NOP58: variants seen among roughly 807,000 people sequenced by gnomAD.
The protein encoded by NOP58 is nucleolar protein 58.
In NOP58, 44 loss-of-function variants were observed where a neutral mutation model predicts 71.2. That is an observed-to-expected ratio of 0.62 (90% CI 0.49 to 0.79). NOP58 has a LOEUF of 0.79. NOP58 is among the 30% of genes least tolerant of loss of function. The pLI is 0.00. For synonymous variants in NOP58, 228 were observed against 200.3 expected (o/e 1.14, Z -1.17); for missense variants, 538 against 620.2 (o/e 0.87, Z 1.41).
At chr2:202,302,895 T>G in intron 13 of NOP58, 26 bp from the exon 14 acceptor site, 1 of 1,587,818 alleles carries the variant, frequency 6.3e-7, no homozygotes, top group Non-Finnish European at 8.5e-7. Context: ...GTTAATTTGT[T>G]GTGCCTTTAC....
chr2:202,302,879 TAC>T (rs1203307619), intron 13 of NOP58, 40 bp from the exon 14 acceptor site: 2 of 1,577,416 alleles, frequency 1.3e-6, no homozygotes, highest in African/African-American at 1.4e-5. Flanking sequence ...TGAGATCTGA[TAC>T]AGTGTTAATT....
intron 9 of NOP58, 64 bp downstream of exon 9, chr2:202,292,967 T>A (rs1688928958): frequency 6.3e-7 from 1 of 1,578,380 alleles, no homozygotes; most frequent in Admixed American, 1.7e-5. Context: ...AGGATTTTGT[T>A]TACATCTTTA....
At chr2:202,286,378 G>T (rs532719270) in intron 5 of NOP58, among the ~76,000 whole-genome samples, 8 of 149,948 alleles carry the variant, frequency 5.3e-5, no homozygotes, top group East Asian at 2.0e-4. Context: ...GGTGGCGGGC[G>T]CCTGTAGTCC....
At chr2:202,274,348 T>C (rs1254987737) in intron 1 of NOP58, among the ~76,000 whole-genome samples, 1 of 151,132 alleles carries the variant, frequency 6.6e-6, no homozygotes, top group East Asian at 2.0e-4. Flanking sequence ...TGCCTCAGCC[T>C]CCCGAGTGGC....
chr2:202,279,015 A>G (rs974036780), intron 3 of NOP58, among the ~76,000 whole-genome samples: 1 of 152,212 alleles, frequency 6.6e-6, no homozygotes, highest in East Asian at 1.9e-4. Context: ...CAGCCATAAA[A>G]AAAACTGTGG....
chr2:202,280,274 G>A (rs1241356703), intron 3 of NOP58, among the ~76,000 whole-genome samples: 1 of 152,044 alleles, frequency 6.6e-6, no homozygotes, highest in African/African-American at 2.4e-5. Context: ...GCTAAGATGG[G>A]CAGGAATTTA....
chr2:202,266,631 A>G (rs2105833276), intron 1 of NOP58, among the ~76,000 whole-genome samples: 1 of 152,322 alleles, frequency 6.6e-6, no homozygotes, highest in East Asian at 1.9e-4. Context: ...AAAGGATTTA[A>G]GCAGAGGAAT....
intron 1 of NOP58, among the ~76,000 whole-genome samples, chr2:202,274,614 C>A (rs555584438): frequency 6.6e-6 from 1 of 151,806 alleles, no homozygotes; most frequent in East Asian, 1.9e-4. Flanking sequence ...GAAAGGTTCT[C>A]GGCCAGGTGC....
rs1688977025 is a variant in NOP58, at chr2:202,295,692, C to T, written c.926C>T (p.Ala309Val). 1.3e-6 allele frequency: 2 copies of T among 1,576,008 alleles called. No individual in the cohort carries two copies. Among genetic ancestry groups the T allele is most frequent in the Admixed American group, 2.0e-5 (1 of 50,414 alleles). The part of the protein sequence containing the change: ...IAHAGSLLNL[A>V]KHAASTVQIL... Reference sequence around the variant, plus strand: ...TTTGTAGGTTCTCTTTTAAATTTGGCCAAGCATGCAGCTTCTACCGTTCAG... The same window carrying T: ...TTTGTAGGTTCTCTTTTAAATTTGGTCAAGCATGCAGCTTCTACCGTTCAG... Residue 309 changes from alanine (A) to valine (V), a missense_variant, in exon 10 of 15, where the codon GCC (alanine) becomes GTC (valine). By Grantham distance (64) the Ala-to-Val change is moderately conservative (BLOSUM62 0). Transcript: ENST00000264279.
In NOP58 at chr2:202,265,841, CCGCCGCGGCCTAGGAG is replaced by C. The variant is rs1489653082; in HGVS notation, c.-100_-85del. On this transcript the variant is annotated 5_prime_UTR_variant, in exon 1 of 15. Coordinates refer to ENST00000264279, the MANE Select transcript of NOP58 (RefSeq NM_015934.5). ...GACGGCGAGCGCATTTGTGCTTTGC[CCGCCGCGGCCTAGGAG>C]GCCTTTTGAGGCCGCGTAGTCGGTG... 1 of 1,367,692 alleles carries C rather than the reference CCGCCGCGGCCTAGGAG, an allele frequency of 7.3e-7. No individual in the cohort carries two copies. The highest frequency in any genetic ancestry group is 1.4e-5 in the African/African-American group (1 of 70,006). The allele number at this position is 1,367,692 out of a possible 1,614,324, so 84.7% of individuals were successfully genotyped here.
At chr2:202,300,952 G>C (rs373945642) in intron 13 of NOP58, among the ~76,000 whole-genome samples, 70 of 152,146 alleles carry the variant, frequency 4.6e-4, no homozygotes, top group African/African-American at 1.2e-3. Context: ...CTTTAACTTG[G>C]TTTCTAAGTA....
chr2:202,290,451 A>C lies in NOP58; in HGVS notation c.628A>C (p.Lys210Gln), dbSNP rs1305008177. The change falls in exon 7 of 15, where the codon AAA (lysine) becomes CAA (glutamine). Residue 210 changes from lysine to glutamine, a missense_variant. Physicochemically the swap from Lys to Gln is moderately conservative, Grantham distance 53. Transcript: ENST00000264279. ...DNLTYCKCLQ[K>Q]VGDRKNYASA... ...TTTAACATACTGCAAGTGTTTACAG[A>C]AAGTTGGTGAGTAATTTGTTCATCC... is the stretch of plus-strand genomic sequence containing the variant. 6.2e-7 allele frequency: 1 copy of C among 1,607,652 alleles called. No homozygotes were observed. The highest frequency in any genetic ancestry group is 2.2e-5 in the East Asian group (1 of 44,812).
Position 202,265,873 on chromosome 2 carries a change from G to A in NOP58, c.-69G>A, listed in dbSNP as rs535027378. On this transcript the variant is annotated 5_prime_UTR_variant, in exon 1 of 15. Coordinates refer to ENST00000264279, the MANE Select transcript of NOP58 (RefSeq NM_015934.5). ...GGCCTAGGAGGCCTTTTGAGGCCGC[G>A]TAGTCGGTGTTTTTGAACTGACTCT... 10 of 1,593,158 alleles carry A rather than the reference G, an allele frequency of 6.3e-6. No homozygotes were observed. In the East Asian group the frequency reaches 1.8e-4, roughly 28 times the overall value.
intron 2 of NOP58, chr2:202,276,543 A>G: frequency 2.0e-6 from 1 of 498,200 alleles, no homozygotes; most frequent in Non-Finnish European, 4.1e-6. Context: ...CTTTCTGGAT[A>G]AAATACTACC....
chr2:202,287,804 T>C lies in NOP58; in HGVS notation c.499+80T>C, dbSNP rs1688818803. 4.5e-6 allele frequency: 5 copies of C among 1,120,650 alleles called. No individual in the cohort carries two copies. The East Asian group carries it at 1.2e-4, about 27-fold the overall frequency. 69.4% of individuals were successfully genotyped at this position (1,120,650 alleles called of 1,614,324 possible). ...ATACTGTTGAAACTATCTTTTATGA[T>C]TCTGTCTGTTGAGAAAGAGAAAGGA... is the stretch of plus-strand genomic sequence containing the variant. On this transcript the variant is annotated intron_variant, in intron 6 of 14. Coordinates refer to ENST00000264279, the MANE Select transcript of NOP58 (RefSeq NM_015934.5).
chr2:202,297,415 A>C lies in NOP58; in HGVS notation c.1108A>C (p.Ile370Leu), dbSNP rs760678826. The change falls in exon 11 of 15, where the codon ATC (isoleucine) becomes CTC (leucine). Residue 370 changes from isoleucine (I) to leucine (L), a missense_variant. Ile to Leu is a conservative substitution (Grantham distance 5, BLOSUM62 2). Transcript: ENST00000264279. ...GCTGGCAGCCAAAACCGTTTTGGCT[A>C]TCCGTTATGATGCTTTTGGTGAGGA... is the stretch of plus-strand genomic sequence containing the variant. ...RMLAAKTVLA[I>L]RYDAFGEDSS... 4.3e-6 allele frequency: 7 copies of C among 1,613,836 alleles called. No individual in the cohort carries two copies. The East Asian group carries it at 1.6e-4, about 36-fold the overall frequency.
intron 1 of NOP58, among the ~76,000 whole-genome samples, chr2:202,274,118 A>G (rs778564628): frequency 2.2e-4 from 34 of 152,300 alleles, no homozygotes; most frequent in Non-Finnish European, 4.0e-4. Flanking sequence ...GATGTGTCTC[A>G]CAATTGACGA....
chr2:202,298,793 T>C (rs1169613260), intron 12 of NOP58, among the ~76,000 whole-genome samples: 1 of 152,156 alleles, frequency 6.6e-6, no homozygotes, highest in African/African-American at 2.4e-5. Flanking sequence ...TGGGTTATTA[T>C]TTGAGGCAAT....
chr2:202,268,547 T>A (rs1390824736), intron 1 of NOP58, among the ~76,000 whole-genome samples: 2 of 149,092 alleles, frequency 1.3e-5, no homozygotes, highest in African/African-American at 4.9e-5. Context: ...AAAAAAAAAA[T>A]TATATTGGAT....
Sources: allele counts gnomAD v4.1 joint callset (sites outside exome capture counted in the v4.1 genomes callset), GRCh38; gene constraint gnomAD v4.1.1; transcripts MANE v1.5; gene names NCBI Gene and HGNC (gene_info 2026-07-23, HGNC 2026-07-21).